The following NRF1 variants were observed in gnomAD, a reference collection of about 807,000 sequenced individuals.
NRF1 encodes nuclear respiratory factor 1, also known as alpha palindromic-binding protein.
Under a neutral mutation model 58.5 loss-of-function variants are expected in NRF1, and 5 were observed. The observed-to-expected ratio is 0.09, with a 90% confidence interval of 0.04 to 0.18. NRF1 has a LOEUF of 0.18. Ranked by LOEUF, NRF1 falls within the 10% of genes least tolerant of loss-of-function variation. The pLI, the probability that NRF1 is intolerant of heterozygous loss-of-function variation, is 1.00. For missense variants in NRF1, 288 were observed against 657.7 expected (o/e 0.44, Z 6.15); for synonymous variants, 224 against 246.7 (o/e 0.91, Z 0.86).
At position 129,756,250 on chromosome 7, in the gene NRF1, C is replaced by T. The variant is rs1013899438; in HGVS notation, c.*1069C>T. The T allele has an allele frequency of 6.6e-6, 1 of 152,254 alleles. No homozygotes were observed. Among genetic ancestry groups the T allele is most frequent in the Non-Finnish European group, 1.5e-5 (1 of 68,106 alleles). The allele number at this position is 152,254 out of a possible 1,614,324, so 9.4% of individuals were successfully genotyped here. ...TTCACAGAGGAGGCGCTGGAATGAA[C>T]AAGAAGAGACATCTGGTCTGTGGCC... On this transcript the variant is annotated 3_prime_UTR_variant, in exon 11 of 11. Coordinates refer to ENST00000393232, the MANE Select transcript of NRF1 (RefSeq NM_005011.5).
At chr7:129,704,314 C>T (rs28738886) in intron 5 of NRF1, among the ~76,000 whole-genome samples, 6,477 of 152,052 alleles carry the variant, frequency 0.043, 173 homozygotes, top group African/African-American at 0.078. Flanking sequence ...CCGCCTTCTG[C>T]TTTTTTCCAC....
At chr7:129,750,432 C>G (rs1025820329) in intron 10 of NRF1, among the ~76,000 whole-genome samples, 1 of 152,210 alleles carries the variant, frequency 6.6e-6, no homozygotes, top group African/African-American at 2.4e-5. Flanking sequence ...GTCAGAGACA[C>G]TGAGGCGATT....
At chr7:129,694,157 G>C (rs961499998) in intron 5 of NRF1, among the ~76,000 whole-genome samples, 5 of 152,080 alleles carry the variant, frequency 3.3e-5, no homozygotes, top group African/African-American at 1.2e-4. Context: ...TACCAAAGAT[G>C]ATGACTAAAA....
At chr7:129,722,004 T>C (rs1160194436) in intron 9 of NRF1, among the ~76,000 whole-genome samples, 2 of 152,308 alleles carry the variant, frequency 1.3e-5, no homozygotes, top group South Asian at 2.1e-4. Context: ...AAACCTCTTA[T>C]TTATAGCTTT....
intron 9 of NRF1, 59 bp downstream of exon 9, chr7:129,717,435 T>G: frequency 1.3e-6 from 2 of 1,519,862 alleles, no homozygotes; most frequent in Non-Finnish European, 1.8e-6. Flanking sequence ...CAGATATGGG[T>G]GGAGGCCCCT....
intron 10 of NRF1, among the ~76,000 whole-genome samples, chr7:129,739,868 G>A (rs1199113118): frequency 6.6e-6 from 1 of 152,180 alleles, no homozygotes; most frequent in Non-Finnish European, 1.5e-5. Context: ...TCACAAAGCT[G>A]ACAGGAGCCA....
intron 10 of NRF1, among the ~76,000 whole-genome samples, chr7:129,750,862 T>C (rs1804098850): frequency 6.6e-6 from 1 of 152,220 alleles, no homozygotes; most frequent in South Asian, 2.1e-4. Context: ...ACCCTAAGGC[T>C]CACCCACCTT....
intron 9 of NRF1, among the ~76,000 whole-genome samples, chr7:129,724,147 G>C (rs920340157): frequency 3.3e-5 from 5 of 152,178 alleles, no homozygotes; most frequent in Admixed American, 6.5e-5. Flanking sequence ...AATTGTATCT[G>C]ATAAGGGATT....
chr7:129,740,240 CCTA>C (rs1371414659), intron 10 of NRF1, among the ~76,000 whole-genome samples: 1 of 152,182 alleles, frequency 6.6e-6, no homozygotes, highest in Non-Finnish European at 1.5e-5. Flanking sequence ...AGACTATAGT[CCTA>C]CTCTCTTTAC....
Position 129,755,235 on chromosome 7 carries a change from G to A in NRF1, c.*54G>A, listed in dbSNP as rs45578637. On this transcript the variant is annotated 3_prime_UTR_variant, in exon 11 of 11. Coordinates refer to ENST00000393232, the MANE Select transcript of NRF1 (RefSeq NM_005011.5). The surrounding 1 kb of genome is among the most constrained non-coding windows in gnomAD (Gnocchi z 5.8). ...TAGTCTACTTCAAAATTTTTTACAC[G>A]TTTGCAGAGGTGCAATCAAATGGAA... 1.6e-3 allele frequency: 2,276 copies of A among 1,414,424 alleles called. 57 individuals are homozygous for A. In the East Asian group the frequency reaches 0.048, roughly 30 times the overall value. The allele number at this position is 1,414,424 out of a possible 1,614,324, so 87.6% of individuals were successfully genotyped here.
chr7:129,663,307 C>T lies in NRF1; in HGVS notation c.223+5733C>T, dbSNP rs540816823. ...GGGTACACTTCCCAGACGGGGCGGC[C>T]GAGCAGAGGCGCTCCCCACTTCCCA... On this transcript the variant is annotated intron_variant, in intron 2 of 10. Coordinates refer to ENST00000393232, the MANE Select transcript of NRF1 (RefSeq NM_005011.5). 4.6e-5 allele frequency among the ~76,000 whole-genome samples: 7 copies of T among 152,174 alleles called. No individual in the cohort carries two copies. The East Asian group carries it at 5.8e-4, about 13-fold the overall frequency.
At chr7:129,675,792 G>A (rs1802163657) in intron 3 of NRF1, among the ~76,000 whole-genome samples, 1 of 152,178 alleles carries the variant, frequency 6.6e-6, no homozygotes, top group Non-Finnish European at 1.5e-5. Flanking sequence ...AGTAGATTTA[G>A]CATGATTTTT....
intron 1 of NRF1, among the ~76,000 whole-genome samples, chr7:129,640,666 C>T (rs1269684363): frequency 6.6e-6 from 1 of 152,024 alleles, no homozygotes. Flanking sequence ...AGACTGTGCT[C>T]GGGTACAAAG....
At chr7:129,679,449 A>G (rs1402547485) in intron 4 of NRF1, among the ~76,000 whole-genome samples, 3 of 152,244 alleles carry the variant, frequency 2.0e-5, no homozygotes, top group African/African-American at 7.2e-5. Flanking sequence ...ACTGATATAT[A>G]TTGAGAATAT....
At chr7:129,729,381 T>A (rs1313078978) in intron 10 of NRF1, among the ~76,000 whole-genome samples, 1 of 152,260 alleles carries the variant, frequency 6.6e-6, no homozygotes, top group African/African-American at 2.4e-5. Flanking sequence ...TGATTTCATG[T>A]TGTTGGCTAC....
At chr7:129,682,741 G>T (rs1225835311) in intron 4 of NRF1, among the ~76,000 whole-genome samples, 1 of 151,654 alleles carries the variant, frequency 6.6e-6, no homozygotes, top group Non-Finnish European at 1.5e-5. Flanking sequence ...GTTCAAGGAT[G>T]CAGTGAACTA....
chr7:129,644,343 CA>C (rs1801359532), intron 1 of NRF1, among the ~76,000 whole-genome samples: 1 of 152,122 alleles, frequency 6.6e-6, no homozygotes, highest in Non-Finnish European at 1.5e-5. Flanking sequence ...AGGGCAAGGA[CA>C]AAACGCTGAC....
intron 2 of NRF1, among the ~76,000 whole-genome samples, chr7:129,664,007 C>A (rs889239063): frequency 6.7e-6 from 1 of 150,040 alleles, no homozygotes; most frequent in Non-Finnish European, 1.5e-5. Flanking sequence ...TGCCTGGAAT[C>A]CCAGGCACTC....
chr7:129,752,136 G>A (rs1478630956), intron 10 of NRF1, among the ~76,000 whole-genome samples: 1 of 152,250 alleles, frequency 6.6e-6, no homozygotes, highest in Non-Finnish European at 1.5e-5. Flanking sequence ...GCCTGTTGCA[G>A]ACATGCATCA....
Sources: gnomAD v4.1 joint callset for allele counts (sites outside exome capture counted in the v4.1 genomes callset) on GRCh38, gnomAD v4.1.1 for gene constraint, Gnocchi (gnomAD v3.1) non-coding constraint, MANE v1.5 for transcripts, NCBI Gene and HGNC (gene_info 2026-07-23, HGNC 2026-07-21) for gene names.